The following PDE7B variants were observed in gnomAD, a reference collection of about 807,000 sequenced individuals.
PDE7B encodes the protein 3',5'-cyclic-AMP phosphodiesterase 7B.
Under a neutral mutation model 56.2 loss-of-function variants are expected in PDE7B, and 29 were observed. The observed-to-expected ratio is 0.52, with a 90% CI of 0.38 to 0.70. PDE7B has a LOEUF of 0.70. Among genes scored for constraint, PDE7B ranks in the 30% least tolerant of loss-of-function variants. The pLI, the probability that PDE7B is intolerant of heterozygous loss-of-function variation, is 0.00. For synonymous variants in PDE7B, 197 were observed against 196.9 expected, an observed-to-expected ratio of 1.00 and a Z score of 0.00; for missense variants, 490 against 565.0, an observed-to-expected ratio of 0.87 and a Z score of 1.35.
intron 10 of PDE7B, among the ~76,000 whole-genome samples, chr6:136,180,984 C>T (rs1779053441): frequency 6.6e-6 from 1 of 152,224 alleles, no homozygotes; most frequent in South Asian, 2.1e-4. Context: ...TTCCAGCAAG[C>T]TCCATGTCCT....
chr6:135,910,529 T>C (rs1029265534), intron 1 of PDE7B, among the ~76,000 whole-genome samples: 1 of 152,192 alleles, frequency 6.6e-6, no homozygotes, highest in African/African-American at 2.4e-5. Flanking sequence ...CCTCCTCCAT[T>C]ATCCACATCC....
intron 1 of PDE7B, among the ~76,000 whole-genome samples, chr6:135,889,774 G>A (rs1420430165): frequency 2.7e-5 from 1 of 36,934 alleles, no homozygotes; most frequent in Non-Finnish European, 5.5e-5. Context: ...TTTTTTTTTT[G>A]AGATGGAGTC....
intron 1 of PDE7B, among the ~76,000 whole-genome samples, chr6:135,853,589 A>T (rs1774974030): frequency 6.6e-6 from 1 of 152,142 alleles, no homozygotes. Context: ...ACTAGTTGCA[A>T]CTCCAAAAAC....
intron 1 of PDE7B, among the ~76,000 whole-genome samples, chr6:135,931,947 G>GCA (rs1360975621): frequency 2.2e-4 from 10 of 45,622 alleles, no homozygotes; most frequent in Admixed American, 1.9e-3. Context: ...ACACACACAC[G>GCA]CGCGCGCACA....
intron 2 of PDE7B, among the ~76,000 whole-genome samples, chr6:135,948,958 A>T (rs952818276): frequency 1.3e-5 from 2 of 151,984 alleles, no homozygotes; most frequent in Non-Finnish European, 2.9e-5. Context: ...GCAGAAAAAA[A>T]ATCCTTTGTT....
At chr6:136,139,689 G>A (rs1404639440) in intron 3 of PDE7B, among the ~76,000 whole-genome samples, 1 of 152,180 alleles carries the variant, frequency 6.6e-6, no homozygotes, top group Non-Finnish European at 1.5e-5. Context: ...GTATCTCATT[G>A]TGGTTTTGAT....
At chr6:135,862,850 G>C (rs1562414760) in intron 1 of PDE7B, among the ~76,000 whole-genome samples, 1 of 151,526 alleles carries the variant, frequency 6.6e-6, no homozygotes, top group Non-Finnish European at 1.5e-5. Context: ...GTCTCCCCTA[G>C]GTTTTAAAAT....
chr6:135,976,746 C>G (rs542233338), intron 2 of PDE7B, among the ~76,000 whole-genome samples: 7 of 152,260 alleles, frequency 4.6e-5, no homozygotes, highest in African/African-American at 1.7e-4. Flanking sequence ...CAGTCAAATT[C>G]TTTACAAGCA....
intron 2 of PDE7B, among the ~76,000 whole-genome samples, chr6:135,955,621 C>T (rs1326422887): frequency 6.6e-6 from 1 of 152,068 alleles, no homozygotes; most frequent in East Asian, 1.9e-4. Context: ...AGGGGAGATA[C>T]ACACTTTAGA....
intron 2 of PDE7B, among the ~76,000 whole-genome samples, chr6:136,011,000 T>C (rs1775883524): frequency 6.6e-6 from 1 of 152,148 alleles, no homozygotes; most frequent in Admixed American, 6.5e-5. Flanking sequence ...ACTGTTGACA[T>C]TACCAAGACC....
At chr6:135,887,733 GAGC>G (rs1441118000) in intron 1 of PDE7B, among the ~76,000 whole-genome samples, 1 of 152,064 alleles carries the variant, frequency 6.6e-6, no homozygotes, top group Non-Finnish European at 1.5e-5. Flanking sequence ...TCTACATTTG[GAGC>G]AAGTTTACTT....
At position 135,950,172 on chromosome 6, in the gene PDE7B, TAAACA is replaced by T. The variant is rs888919731; in HGVS notation, c.82+2650_82+2654del. Among the ~76,000 whole-genome samples, 5 of 152,188 alleles carry T rather than the reference TAAACA, an allele frequency of 3.3e-5. No individual in the cohort carries two copies. The East Asian group carries it at 9.7e-4, about 29-fold the overall frequency. ...AGTTTAATGGTTTATTCACTTAAAA[TAAACA>T]AGAGAAATCAAATTATGAGCACGTA... On this transcript the variant is annotated intron_variant, in intron 2 of 12. Transcript: ENST00000308191.
At chr6:136,108,853 T>C (rs1246216061) in intron 3 of PDE7B, 39 bp downstream of exon 3, 6 of 1,254,484 alleles carry the variant, frequency 4.8e-6, no homozygotes, top group African/African-American at 3.0e-5. Context: ...ACAAACGTTT[T>C]CTTCAAAAAG....
chr6:135,913,231 C>A (rs1310687590), intron 1 of PDE7B, among the ~76,000 whole-genome samples: 1 of 152,178 alleles, frequency 6.6e-6, no homozygotes, highest in Admixed American at 6.5e-5. Context: ...AATTAAGTCT[C>A]CCAGATCATT....
At chr6:135,964,183 G>A (rs1428200629) in intron 2 of PDE7B, among the ~76,000 whole-genome samples, 3 of 151,376 alleles carry the variant, frequency 2.0e-5, no homozygotes, top group Non-Finnish European at 4.4e-5. Flanking sequence ...GGCTCATTGC[G>A]ACCTCCGCCA....
At chr6:136,110,802 C>T (rs1384135492) in intron 3 of PDE7B, among the ~76,000 whole-genome samples, 1 of 148,830 alleles carries the variant, frequency 6.7e-6, no homozygotes, top group Non-Finnish European at 1.5e-5. Flanking sequence ...TAAAGAGAAA[C>T]TCATTGCAGA....
At chr6:135,892,138 G>A (rs1775819652) in intron 1 of PDE7B, among the ~76,000 whole-genome samples, 1 of 152,156 alleles carries the variant, frequency 6.6e-6, no homozygotes, top group Non-Finnish European at 1.5e-5. Context: ...TTAAATATGA[G>A]TCACTTTCAG....
intron 3 of PDE7B, among the ~76,000 whole-genome samples, chr6:136,122,604 C>A (rs1435061649): frequency 1.3e-5 from 2 of 152,154 alleles, no homozygotes; most frequent in Non-Finnish European, 2.9e-5. Context: ...GATCTCAATC[C>A]ATTATTGGTG....
chr6:136,074,911 T>C (rs1398161419), intron 2 of PDE7B, among the ~76,000 whole-genome samples: 1 of 152,214 alleles, frequency 6.6e-6, no homozygotes, highest in Non-Finnish European at 1.5e-5. Context: ...AGCTTTTCAA[T>C]ATACTGATTT....
Sources: gnomAD v4.1 joint callset for allele counts (sites outside exome capture counted in the v4.1 genomes callset) on GRCh38, gnomAD v4.1.1 for gene constraint, MANE v1.5 for transcripts, NCBI Gene and HGNC (gene_info 2026-07-23, HGNC 2026-07-21) for gene names.